The following CFI variants were observed in gnomAD, a reference collection of about 807,000 sequenced individuals.
CFI encodes C3B/C4B inactivator.
In CFI, 66 loss-of-function variants were observed where a neutral mutation model predicts 78.8. The ratio of observed to expected loss-of-function variants is 0.84; its 90% CI spans 0.69 to 1.03. The LOEUF is 1.03. Ranked by LOEUF, CFI falls within the 50% of genes least tolerant of loss-of-function variation. The pLI is 0.00. For missense variants in CFI, 706 were observed against 704.5 expected (o/e 1.00, Z -0.02); for synonymous variants, 250 against 232.6 (o/e 1.07, Z -0.68).
rs1360324728 is a variant in CFI at position 109,766,767 on chromosome 4, T to C, written c.115A>G (p.Thr39Ala). Residue 39 changes from threonine (T) to alanine (A), a missense_variant, in exon 2 of 13, where the codon ACT (threonine) becomes GCT (alanine). Coordinates refer to ENST00000394634, the MANE Select transcript of CFI (RefSeq NM_000204.5). The part of the protein sequence containing the change: ...VEKKCLAKKY[T>A]HLSCDKVFCQ... The stretch of plus-strand genomic sequence containing the variant: ...AAGACTTTATCGCAGGAGAGGTGAG[T>C]ATATTTTTTTGCTAAGCACTTTTTC... 6.2e-7 allele frequency: 1 copy of C among 1,614,118 alleles called. No individual in the cohort carries two copies. The highest frequency in any genetic ancestry group is 8.5e-7 in the Non-Finnish European group (1 of 1,180,000).
At chr4:109,769,257 C>T (rs778668394) in intron 1 of CFI, among the ~76,000 whole-genome samples, 1 of 152,156 alleles carries the variant, frequency 6.6e-6, no homozygotes, top group Non-Finnish European at 1.5e-5. Flanking sequence ...TTCTCAGTCA[C>T]TCTTAGATTT....
chr4:109,746,018 A>G (rs532996356), intron 11 of CFI, among the ~76,000 whole-genome samples: 2 of 152,330 alleles, frequency 1.3e-5, no homozygotes, highest in East Asian at 3.9e-4. Flanking sequence ...ACAGCAATAA[A>G]TCAAGCCTCA....
At chr4:109,774,663 A>G (rs1579262317) in intron 1 of CFI, among the ~76,000 whole-genome samples, 1 of 152,150 alleles carries the variant, frequency 6.6e-6, no homozygotes, top group Admixed American at 6.5e-5. Context: ...GAGGGTGTAA[A>G]CCCTCCAGTG....
At chr4:109,797,478 T>C (rs1165785767) in intron 1 of CFI, among the ~76,000 whole-genome samples, 1 of 152,102 alleles carries the variant, frequency 6.6e-6, no homozygotes, top group Non-Finnish European at 1.5e-5. Flanking sequence ...ACTTTTAGAA[T>C]AAAACATAAG....
intron 1 of CFI, among the ~76,000 whole-genome samples, chr4:109,792,591 C>T (rs895217129): frequency 2.6e-5 from 4 of 152,000 alleles, no homozygotes; most frequent in Admixed American, 6.6e-5. Context: ...ACCCACCCCC[C>T]CCAAAACAAG....
intron 8 of CFI, among the ~76,000 whole-genome samples, chr4:109,751,438 C>CTTTTTTTTTTTTTTTTTTTTTT (rs66497003): frequency 1.0e-5 from 1 of 100,356 alleles, no homozygotes; most frequent in Non-Finnish European, 1.8e-5. Context: ...AGAGCTAAAT[C>CTTTTTTTTTTTTTTTTTTTTTT]TTTTTTTTTT....
At position 109,746,358 on chromosome 4, in the gene CFI, A is replaced by G. The variant is rs749969014; in HGVS notation, c.1293T>C (p.Ala431=). The part of the protein sequence containing the change: ...YNAGTYQNDI[A]LIEMKKDGNK... ...TTCCGTCTTTTTTCATTTCAATCAA[A>G]GCGATGTCATTTTGGTAAGTGCCTG... The change falls in exon 11 of 13, where the codon GCT becomes GCC. Residue 431 remains alanine (A), a synonymous_variant. Coordinates refer to ENST00000394634, the MANE Select transcript of CFI (RefSeq NM_000204.5). 1 of 1,614,184 alleles carries G rather than the reference A, an allele frequency of 6.2e-7. No homozygotes were observed. The highest frequency in any genetic ancestry group is 1.1e-5 in the South Asian group (1 of 91,086).
Position 109,744,091 on chromosome 4 carries a change from A to C in CFI, c.1430-1496T>G, listed in dbSNP as rs76408422. Among the ~76,000 whole-genome samples, 1,351 of 152,332 alleles carry C rather than the reference A, an allele frequency of 8.9e-3. 48 individuals are homozygous for C. The East Asian group carries it at 0.11, about 13-fold the overall frequency. On this transcript the variant is annotated intron_variant, in intron 11 of 12. Coordinates refer to ENST00000394634, the MANE Select transcript of CFI (RefSeq NM_000204.5). ...TAATGATTAAATTTTAAATAAAAGG[A>C]AGGGGTAACTATTCTAGATTAAAAC...
chr4:109,801,784 A>G (rs1467142968), intron 1 of CFI, 131 bp downstream of exon 1: 2 of 634,120 alleles, frequency 3.2e-6, no homozygotes, highest in Non-Finnish European at 5.6e-6. Context: ...GTTGCTGACT[A>G]TAGAGTGGCA....
At chr4:109,789,496 A>T (rs1731124249) in intron 1 of CFI, among the ~76,000 whole-genome samples, 2 of 152,120 alleles carry the variant, frequency 1.3e-5, no homozygotes. Flanking sequence ...AATAATGCAA[A>T]TGCGAAGACA....
intron 1 of CFI, among the ~76,000 whole-genome samples, chr4:109,767,898 A>T (rs1050711363): frequency 4.6e-5 from 7 of 152,190 alleles, no homozygotes; most frequent in African/African-American, 1.7e-4. Flanking sequence ...TCCATCAATG[A>T]TAGACCAGAT....
downstream of CFI, among the ~76,000 whole-genome samples, chr4:109,737,967 T>G (rs1286018164): frequency 6.6e-6 from 1 of 152,156 alleles, no homozygotes. Flanking sequence ...CCTTCAAGGC[T>G]TGACCCTGGT....
chr4:109,755,710 A>G (rs950446371), intron 7 of CFI, among the ~76,000 whole-genome samples: 2 of 152,080 alleles, frequency 1.3e-5, no homozygotes, highest in African/African-American at 4.8e-5. Context: ...AACCTCCAAA[A>G]CTGTAAGAAA....
At chr4:109,797,249 G>C (rs74771380) in intron 1 of CFI, among the ~76,000 whole-genome samples, 1 of 152,244 alleles carries the variant, frequency 6.6e-6, no homozygotes, top group East Asian at 1.9e-4. Context: ...ATGGAACAAA[G>C]TAGAAAGTTC....
At chr4:109,753,181 T>TG (rs1561292646) in intron 7 of CFI, among the ~76,000 whole-genome samples, 1 of 21,322 alleles carries the variant, frequency 4.7e-5, no homozygotes, top group African/African-American at 1.6e-4. Context: ...TATAATATAT[T>TG]TATTATATAA....
the CFI span, among the ~76,000 whole-genome samples, chr4:109,735,037 G>C: frequency 2.6e-5 from 4 of 151,920 alleles, no homozygotes; most frequent in African/African-American, 7.3e-5. Flanking sequence ...CTGTACCCTC[G>C]AACTCTTGGG....
intron 1 of CFI, among the ~76,000 whole-genome samples, chr4:109,783,376 C>T (rs1442593422): frequency 6.6e-6 from 1 of 151,966 alleles, no homozygotes; most frequent in Non-Finnish European, 1.5e-5. Context: ...CATGGATAGA[C>T]AATTTTCAAA....
At position 109,740,805 on chromosome 4, in the gene CFI, C is replaced by G; in HGVS notation, c.*88G>C. The stretch of plus-strand genomic sequence containing the variant: ...AGTGAGATTTGCTTCATTTTTCCCC[C>G]CTAGAGAATTATTAATTATACCGTT... On this transcript the variant is annotated 3_prime_UTR_variant, in exon 13 of 13. Transcript: ENST00000394634. The G allele has an allele frequency of 1.6e-6, 2 of 1,238,350 alleles. No individual in the cohort carries two copies. The highest frequency in any genetic ancestry group is 2.4e-6 in the Non-Finnish European group (2 of 848,550). 76.7% of individuals were successfully genotyped at this position (1,238,350 alleles called of 1,614,324 possible).
intron 1 of CFI, among the ~76,000 whole-genome samples, chr4:109,777,549 C>T (rs905573251): frequency 4.6e-5 from 7 of 151,156 alleles, no homozygotes; most frequent in Non-Finnish European, 1.0e-4. Context: ...TTTAACACCC[C>T]ACTGTCAACA....
Sources: allele counts gnomAD v4.1 joint callset (sites outside exome capture counted in the v4.1 genomes callset), GRCh38; gene constraint gnomAD v4.1.1; transcripts MANE v1.5; gene names NCBI Gene and HGNC (gene_info 2026-07-23, HGNC 2026-07-21).